Variants in TTC28 observed in about 807,000 individuals in gnomAD.
The protein encoded by TTC28 is tetratricopeptide repeat domain 28, also known as tetratricopeptide repeat protein 28.
Under a neutral mutation model 198.0 loss-of-function variants are expected in TTC28, and 61 were observed. That is an observed-to-expected ratio of 0.31 (90% confidence interval 0.25 to 0.38). The LOEUF (loss-of-function observed/expected upper bound fraction) is 0.38, where lower values mean the gene tolerates loss of function less well. TTC28 is among the 10% of genes least tolerant of loss of function. TTC28 has a pLI of 1.00. For synonymous variants in TTC28, 1,171 were observed against 1,297.8 expected, an observed-to-expected ratio of 0.90 and a Z score of 2.10; for missense variants, 2,678 against 3,164.0, an observed-to-expected ratio of 0.85 and a Z score of 3.69.
chr22:28,578,826 C>T (rs1170769167), intron 2 of TTC28, among the ~76,000 whole-genome samples: 1 of 152,068 alleles, frequency 6.6e-6, no homozygotes, highest in Non-Finnish European at 1.5e-5. Context: ...GGGCAGAACT[C>T]AGCCAGTGTC....
rs1937908057 is a variant in TTC28 at position 28,005,774 on chromosome 22, CA to C, written c.4219-4222del. Among the ~76,000 whole-genome samples, 1 of 152,334 alleles carries C rather than the reference CA, an allele frequency of 6.6e-6. No homozygotes were observed. The highest frequency in any genetic ancestry group is 1.5e-5 in the Non-Finnish European group (1 of 68,020). On this transcript the variant is annotated intron_variant, in intron 14 of 22. Transcript: ENST00000397906. The surrounding 1 kb of genome is among the most constrained non-coding windows in gnomAD (Gnocchi z 4.9). ...TGATGGCTGCTCTCCTGCCCACACT[CA>C]GGGGGCTAGCGCTTGCCAGCAACTC...
At chr22:28,230,584 T>C (rs561808276) in intron 5 of TTC28, among the ~76,000 whole-genome samples, 17 of 152,298 alleles carry the variant, frequency 1.1e-4, no homozygotes, top group Non-Finnish European at 2.4e-4. Context: ...TTACATGCCA[T>C]GCCAGATTCA....
intron 2 of TTC28, among the ~76,000 whole-genome samples, chr22:28,345,940 A>T (rs569058402): frequency 6.6e-6 from 1 of 152,354 alleles, no homozygotes; most frequent in Non-Finnish European, 1.5e-5. Context: ...TGAATCAGTC[A>T]GTCTACCTTA....
chr22:28,563,038 G>A (rs957721840), intron 2 of TTC28, among the ~76,000 whole-genome samples: 5 of 152,058 alleles, frequency 3.3e-5, no homozygotes, highest in African/African-American at 4.8e-5. Flanking sequence ...CAGGAGGGTC[G>A]CTTGAGCTCA....
Position 28,014,398 on chromosome 22 carries a change from G to A in TTC28, c.4074-6C>T. On this transcript the variant is annotated splice_region_variant and splice_polypyrimidine_tract_variant and intron_variant, in intron 13 of 22. Transcript: ENST00000397906. ...TCGTCATGCTCTGGCAGCTCCTGGG[G>A]AGGGAAGGGCCGAGGGATCAATCAG... 6.5e-7 allele frequency: 1 copy of A among 1,548,190 alleles called. No homozygotes were observed. The highest frequency in any genetic ancestry group is 8.7e-7 in the Non-Finnish European group (1 of 1,145,236).
intron 9 of TTC28, among the ~76,000 whole-genome samples, chr22:28,100,667 G>A (rs978700881): frequency 2.6e-5 from 4 of 152,130 alleles, no homozygotes; most frequent in African/African-American, 9.7e-5. Flanking sequence ...GGATGAGTGC[G>A]TGATCTTAGA....
intron 12 of TTC28, among the ~76,000 whole-genome samples, chr22:28,048,648 C>T (rs548420695): frequency 6.6e-6 from 1 of 152,142 alleles, no homozygotes; most frequent in East Asian, 1.9e-4. Context: ...TGCTGTCCAC[C>T]ACCTAGAGGA....
chr22:28,628,794 G>C (rs959796957), intron 2 of TTC28, among the ~76,000 whole-genome samples: 1 of 152,016 alleles, frequency 6.6e-6, no homozygotes, highest in Non-Finnish European at 1.5e-5. Context: ...ACAAAAATTA[G>C]CCGGGCATGA....
intron 2 of TTC28, among the ~76,000 whole-genome samples, chr22:28,413,220 G>A (rs1248158743): frequency 6.6e-6 from 1 of 152,078 alleles, no homozygotes; most frequent in Non-Finnish European, 1.5e-5. Context: ...CGGATGACGA[G>A]GTCAAGAGAT....
chr22:28,536,198 C>CAAAAAAAAAAAAA (rs59506221), intron 2 of TTC28, among the ~76,000 whole-genome samples: 3 of 64,398 alleles, frequency 4.7e-5, no homozygotes, highest in East Asian at 5.1e-4. Flanking sequence ...GACACCGTCT[C>CAAAAAAAAAAAAA]AAAAAAAAAA....
chr22:28,252,067 G>A (rs1241161204), intron 5 of TTC28, among the ~76,000 whole-genome samples: 1 of 152,084 alleles, frequency 6.6e-6, no homozygotes, highest in Non-Finnish European at 1.5e-5. Flanking sequence ...ATAGGAGATG[G>A]CTACATGGTA....
intron 2 of TTC28, among the ~76,000 whole-genome samples, chr22:28,500,608 T>G (rs2048523842): frequency 6.6e-6 from 1 of 152,198 alleles, no homozygotes; most frequent in Non-Finnish European, 1.5e-5. Context: ...TTTAATCTTT[T>G]GAATAACATA....
At chr22:28,239,250 T>C (rs535831903) in intron 5 of TTC28, among the ~76,000 whole-genome samples, 114 of 152,304 alleles carry the variant, frequency 7.5e-4, no homozygotes, top group African/African-American at 2.7e-3. Context: ...ATAATGGACA[T>C]ATTCTACAAT....
intron 2 of TTC28, among the ~76,000 whole-genome samples, chr22:28,460,672 C>T (rs996302575): frequency 1.3e-5 from 2 of 149,762 alleles, no homozygotes; most frequent in African/African-American, 4.9e-5. Flanking sequence ...GATAGACAGA[C>T]AGACAGATAG....
At chr22:28,183,546 A>C (rs569458932) in intron 5 of TTC28, among the ~76,000 whole-genome samples, 24 of 152,142 alleles carry the variant, frequency 1.6e-4, no homozygotes, top group African/African-American at 5.1e-4. Flanking sequence ...TCAAGTCCTC[A>C]TTGTCTTTGC....
At chr22:28,109,879 G>T (rs192496413) in intron 6 of TTC28, among the ~76,000 whole-genome samples, 5 of 152,308 alleles carry the variant, frequency 3.3e-5, no homozygotes, top group Admixed American at 6.5e-5. Flanking sequence ...GCCAAGATGT[G>T]TTCTGTTAAA....
chr22:28,041,172 G>A (rs1209002181), intron 12 of TTC28, among the ~76,000 whole-genome samples: 1 of 152,154 alleles, frequency 6.6e-6, no homozygotes, highest in African/African-American at 2.4e-5. Context: ...GTAGTTTATA[G>A]ATTCAATGCT....
intron 5 of TTC28, among the ~76,000 whole-genome samples, chr22:28,255,902 T>A (rs939868641): frequency 1.3e-5 from 2 of 152,154 alleles, no homozygotes; most frequent in African/African-American, 4.8e-5. Flanking sequence ...TATAGTAGGA[T>A]AAGCTAGCCT....
intron 2 of TTC28, among the ~76,000 whole-genome samples, chr22:28,615,200 T>C (rs2050883044): frequency 6.6e-6 from 1 of 152,068 alleles, no homozygotes; most frequent in Admixed American, 6.5e-5. Context: ...CATGAAAAAA[T>C]GCTCATCATC....
Sources: gnomAD v4.1 joint callset for allele counts (sites outside exome capture counted in the v4.1 genomes callset) on GRCh38, gnomAD v4.1.1 for gene constraint, Gnocchi (gnomAD v3.1) non-coding constraint, MANE v1.5 for transcripts, NCBI Gene and HGNC (gene_info 2026-07-23, HGNC 2026-07-21) for gene names.